The following FAM120C variants were observed in gnomAD, a reference collection of about 807,000 sequenced individuals.
The protein encoded by FAM120C is constitutive coactivator of PPAR-gamma-like protein 2.
A neutral mutation model predicts 71.2 loss-of-function variants in FAM120C; 14 were observed. The ratio of observed to expected loss-of-function variants is 0.20; its 90% CI spans 0.13 to 0.31. The LOEUF is 0.31. Among genes scored for constraint, FAM120C ranks in the 10% least tolerant of loss-of-function variants. The probability of loss-of-function intolerance (pLI) is 1.00; values close to 1 mark genes in which losing one functional copy is unlikely to be tolerated. For synonymous variants in FAM120C, 354 were observed against 353.2 expected (o/e 1.00, Z -0.03); for missense variants, 500 against 879.0 (o/e 0.57, Z 5.45).
At chrX:54,143,968 A>C (rs2067140952) in intron 4 of FAM120C, among the ~76,000 whole-genome samples, 1 of 111,527 alleles carries the variant, frequency 9.0e-6, no homozygotes, top group African/African-American at 3.2e-5. Context: ...ATCCACCATG[A>C]TCAAGCTGGC....
At chrX:54,151,717 T>A (rs1477625224) in intron 3 of FAM120C, among the ~76,000 whole-genome samples, 1 of 111,513 alleles carries the variant, frequency 9.0e-6, no homozygotes, top group Non-Finnish European at 1.9e-5. Flanking sequence ...TGATTTGAAC[T>A]AATCACAAAA....
intron 10 of FAM120C, among the ~76,000 whole-genome samples, chrX:54,113,315 C>T (rs1245455817): frequency 1.8e-5 from 2 of 108,386 alleles, no homozygotes; most frequent in Admixed American, 2.0e-4. Flanking sequence ...AAAAAATTAG[C>T]CGGGCGTGGT....
chrX:54,144,065 C>A (rs1417182447), intron 4 of FAM120C, among the ~76,000 whole-genome samples: 2 of 111,963 alleles, frequency 1.8e-5, no homozygotes, highest in African/African-American at 3.2e-5. Context: ...ACAAAAACCA[C>A]ATGATTATCT....
intron 4 of FAM120C, among the ~76,000 whole-genome samples, chrX:54,143,741 G>C (rs1196339837): frequency 1.8e-5 from 2 of 111,788 alleles, no homozygotes; most frequent in Non-Finnish European, 3.8e-5. Context: ...GAGGTATAAG[G>C]AGGAGCTGGT....
intron 10 of FAM120C, among the ~76,000 whole-genome samples, chrX:54,101,994 A>G (rs892282179): frequency 1.2e-4 from 13 of 109,509 alleles, no homozygotes; most frequent in Non-Finnish European, 2.1e-4. Context: ...TCAGGTATTC[A>G]TTATCAGAAA....
At chrX:54,086,628 G>A (rs1327381370) in intron 12 of FAM120C, among the ~76,000 whole-genome samples, 1 of 106,812 alleles carries the variant, frequency 9.4e-6, no homozygotes, top group African/African-American at 3.6e-5. Flanking sequence ...GGTGGCATGT[G>A]CCTGTAGTCC....
intron 4 of FAM120C, among the ~76,000 whole-genome samples, chrX:54,146,562 T>C (rs2067157595): frequency 9.0e-6 from 1 of 110,933 alleles, no homozygotes; most frequent in Non-Finnish European, 1.9e-5. Flanking sequence ...ACACCTGTAG[T>C]TCCAGCTACT....
chrX:54,083,473 A>ACACACC (rs2066778158), intron 13 of FAM120C, among the ~76,000 whole-genome samples: 1 of 106,231 alleles, frequency 9.4e-6, no homozygotes, highest in Non-Finnish European at 1.9e-5. Context: ...ACACACACAC[A>ACACACC]CACACCAAAA....
At chrX:54,117,660 C>CG (rs2066978746) in intron 9 of FAM120C, among the ~76,000 whole-genome samples, 1 of 106,040 alleles carries the variant, frequency 9.4e-6, no homozygotes, top group Non-Finnish European at 1.9e-5. Flanking sequence ...ATCAAGTCAC[C>CG]GCACTGCAGC....
chrX:54,084,866 ATG>A (rs782508181), intron 13 of FAM120C, among the ~76,000 whole-genome samples: 33 of 110,954 alleles, frequency 3.0e-4, no homozygotes, highest in South Asian at 7.4e-4. Flanking sequence ...GTGTGTACAT[ATG>A]TGTGTGTGTG....
In FAM120C at chrX:54,072,889, GA is replaced by G; in HGVS notation, c.*143del. ...AGTCCCAGAAACAGGCAGGGAAGGG[GA>G]AAAGATGGACACAATAGGACATCCC... On this transcript the variant is annotated 3_prime_UTR_variant, in exon 16 of 16. Coordinates refer to ENST00000375180, the MANE Select transcript of FAM120C (RefSeq NM_017848.6). 1.4e-6 allele frequency: 1 copy of G among 691,007 alleles called. No individual in the cohort carries two copies. The highest frequency in any genetic ancestry group is 2.1e-6 in the Non-Finnish European group (1 of 481,325). The allele number at this position is 691,007 out of a possible 1,213,427, so 56.9% of individuals were successfully genotyped here.
At chrX:54,088,240 A>ATGC (rs1267233762) in intron 11 of FAM120C, among the ~76,000 whole-genome samples, 1 of 111,436 alleles carries the variant, frequency 9.0e-6, no homozygotes, top group Non-Finnish European at 1.9e-5. Context: ...AGAACACTCA[A>ATGC]TGCTGCTGCT....
chrX:54,143,563 T>C (rs1440987809), intron 4 of FAM120C, among the ~76,000 whole-genome samples: 31 of 112,494 alleles, frequency 2.8e-4, no homozygotes, highest in Admixed American at 2.4e-3. Flanking sequence ...CTAGAAAATC[T>C]AGAAGAAATG....
At chrX:54,165,642 T>C (rs1207861439) in intron 1 of FAM120C, among the ~76,000 whole-genome samples, 1 of 110,128 alleles carries the variant, frequency 9.1e-6, no homozygotes, top group East Asian at 2.8e-4. Context: ...CCAGGTATCG[T>C]GACTGGTGCC....
At chrX:54,073,375 CG>C in intron 15 of FAM120C, 88 bp from the exon 16 acceptor site, 1 of 958,789 alleles carries the variant, frequency 1.0e-6, no homozygotes, top group Non-Finnish European at 1.4e-6. Context: ...CCTGAGGAAG[CG>C]GCTTCAGTTC....
At chrX:54,086,430 A>G (rs1442629565) in intron 12 of FAM120C, among the ~76,000 whole-genome samples, 1 of 111,926 alleles carries the variant, frequency 8.9e-6, no homozygotes, top group African/African-American at 3.2e-5. Context: ...TGTCTCTGTC[A>G]CAATTATTCC....
In FAM120C at chrX:54,151,297, T is replaced by C. The variant is rs1557132971; in HGVS notation, c.1106A>G (p.Lys369Arg). The change falls in exon 4 of 16, where the codon AAA becomes AGA. Residue 369 changes from lysine (K) to arginine (R), a missense_variant. By Grantham distance (26) the Lys-to-Arg change is conservative. Around this residue, in one of 11 missense-constraint regions of FAM120C, gnomAD observed 55 missense variants for 96.7 expected, o/e 0.57. Coordinates refer to ENST00000375180, the MANE Select transcript of FAM120C (RefSeq NM_017848.6). ...AACTACATCCAGGTTTGAGGGATCT[T>C]TGATGGAACTGACATACTCAGAAAC... ...KAVSEYVSSI[K>R]DPSNLDVVGK... The C allele has an allele frequency of 1.7e-6, 2 of 1,208,699 alleles. No homozygotes were observed. Among genetic ancestry groups the C allele is most frequent in the Admixed American group, 2.2e-5 (1 of 45,492 alleles).
At chrX:54,142,181 G>A (rs1214105754) in intron 4 of FAM120C, among the ~76,000 whole-genome samples, 8 of 112,021 alleles carry the variant, frequency 7.1e-5, no homozygotes, top group Admixed American at 4.8e-4. Flanking sequence ...CACAAAAGAC[G>A]GGTGATTTTT....
chrX:54,159,701 T>C (rs1431715948), intron 1 of FAM120C, 85 bp from the exon 2 acceptor site: 6 of 1,021,324 alleles, frequency 5.9e-6, no homozygotes, highest in African/African-American at 5.7e-5. Flanking sequence ...CTAAATTTTA[T>C]AGTTTGGTGA....
Sources: gnomAD v4.1 joint callset for allele counts (sites outside exome capture counted in the v4.1 genomes callset) on GRCh38, gnomAD v4.1.1 for gene constraint, gnomAD v4.1.1 regional missense constraint, MANE v1.5 for transcripts, NCBI Gene and HGNC (gene_info 2026-07-23, HGNC 2026-07-21) for gene names.